ADCY8: variants seen among roughly 807,000 people sequenced by gnomAD.
ADCY8 encodes adenylate cyclase 8, also known as adenylate cyclase type 8.
Under a neutral mutation model 119.7 loss-of-function variants are expected in ADCY8, and 51 were observed. The ratio of observed to expected loss-of-function variants is 0.43; its 90% CI spans 0.34 to 0.54. ADCY8 has a LOEUF of 0.54. ADCY8 is among the 20% of genes least tolerant of loss of function. The pLI is 0.03. For missense variants in ADCY8, 1,383 were observed against 1,598.8 expected, an observed-to-expected ratio of 0.87 and a Z score of 2.30; for synonymous variants, 665 against 651.0, an observed-to-expected ratio of 1.02 and a Z score of -0.33.
intron 1 of ADCY8, among the ~76,000 whole-genome samples, chr8:131,028,845 G>A (rs1823903649): frequency 6.6e-6 from 1 of 152,182 alleles, no homozygotes; most frequent in African/African-American, 2.4e-5. Context: ...TGGAGTACCA[G>A]GAGTCAAGTG....
At chr8:130,861,678 G>T (rs963728484) in intron 9 of ADCY8, among the ~76,000 whole-genome samples, 2 of 151,892 alleles carry the variant, frequency 1.3e-5, no homozygotes, top group African/African-American at 4.8e-5. Flanking sequence ...TCTTTTTGTT[G>T]TTTTGTTTCA....
chr8:131,005,497 A>C (rs1823086355), intron 1 of ADCY8, among the ~76,000 whole-genome samples: 1 of 152,138 alleles, frequency 6.6e-6, no homozygotes, highest in Non-Finnish European at 1.5e-5. Context: ...AGTTAACTGG[A>C]CCAACTTTGC....
chr8:130,928,059 G>C (rs2130601857), intron 5 of ADCY8, among the ~76,000 whole-genome samples: 1 of 152,244 alleles, frequency 6.6e-6, no homozygotes, highest in East Asian at 1.9e-4. Flanking sequence ...GGGATTACCA[G>C]TGCCACTATG....
At chr8:130,868,429 G>A (rs974982555) in intron 8 of ADCY8, among the ~76,000 whole-genome samples, 7 of 152,166 alleles carry the variant, frequency 4.6e-5, no homozygotes, top group African/African-American at 1.4e-4. Flanking sequence ...TCCAGCTAGT[G>A]TAGCCTTTTC....
At chr8:130,969,731 C>A (rs1821867049) in intron 2 of ADCY8, among the ~76,000 whole-genome samples, 1 of 152,116 alleles carries the variant, frequency 6.6e-6, no homozygotes, top group Non-Finnish European at 1.5e-5. Flanking sequence ...AATCTTAACC[C>A]TTCTTATGTA....
At position 131,035,889 on chromosome 8, in the gene ADCY8, T is replaced by C. The variant is rs114156033; in HGVS notation, c.960+3485A>G. ...TGTTTATGGCTTTTAGTTGACAGAT[T>C]TGTATCTAGCTAAGCAGAATGATGA... On this transcript the variant is annotated intron_variant, in intron 1 of 17. Coordinates refer to ENST00000286355, the MANE Select transcript of ADCY8 (RefSeq NM_001115.3). 8.2e-3 allele frequency among the ~76,000 whole-genome samples: 1,256 copies of C among 152,288 alleles called. 16 individuals are homozygous for C. Among genetic ancestry groups the C allele is most frequent in the African/African-American group, 0.029 (1,188 of 41,574 alleles).
intron 2 of ADCY8, among the ~76,000 whole-genome samples, chr8:130,963,801 A>G (rs1228704520): frequency 6.6e-6 from 1 of 152,220 alleles, no homozygotes; most frequent in Non-Finnish European, 1.5e-5. Flanking sequence ...AGCTGAGAAC[A>G]GAAAGGAGGA....
chr8:130,970,531 G>C (rs972574292), intron 2 of ADCY8, among the ~76,000 whole-genome samples: 3 of 152,122 alleles, frequency 2.0e-5, no homozygotes, highest in African/African-American at 7.2e-5. Context: ...ATATTACAAT[G>C]TAATAATAGA....
intron 11 of ADCY8, 48 bp from the exon 12 acceptor site, chr8:130,836,497 C>G: frequency 6.3e-7 from 1 of 1,584,626 alleles, no homozygotes; most frequent in South Asian, 1.2e-5. Flanking sequence ...GGCAGCAGTT[C>G]CCTCTCCTAG....
At chr8:130,958,620 G>A (rs780604244) in intron 2 of ADCY8, among the ~76,000 whole-genome samples, 17 of 152,270 alleles carry the variant, frequency 1.1e-4, no homozygotes, top group Non-Finnish European at 2.2e-4. Context: ...GGCTTGTGCA[G>A]GGGAACTCAT....
At position 130,849,700 on chromosome 8, in the gene ADCY8, G is replaced by A. The variant is rs749479126; in HGVS notation, c.2314C>T (p.Arg772Trp). 8 of 1,613,878 alleles carry A rather than the reference G, an allele frequency of 5.0e-6. No individual in the cohort carries two copies. Among genetic ancestry groups the A allele is most frequent in the African/African-American group, 2.7e-5 (2 of 74,920 alleles). Reference protein sequence around the residue: ...EDYKCLPLILRKTCCWINETY... With the variant: ...EDYKCLPLILWKTCCWINETY... Reference sequence around the variant, plus strand: ...TCATTAATCCAACAGCAAGTTTTCCGGAGGATGAGGGGCAAACATTTATAA... The same window carrying A: ...TCATTAATCCAACAGCAAGTTTTCCAGAGGATGAGGGGCAAACATTTATAA... The change falls in exon 10 of 18, where the codon CGG (arginine) becomes TGG (tryptophan). Residue 772 changes from arginine to tryptophan, a missense_variant. Around this residue, in one of 2 missense-constraint regions of ADCY8, gnomAD observed 928 missense variants for 1,163.5 expected, o/e 0.80. Coordinates refer to ENST00000286355, the MANE Select transcript of ADCY8 (RefSeq NM_001115.3).
chr8:130,987,667 T>A (rs1200537935), intron 2 of ADCY8, among the ~76,000 whole-genome samples: 5 of 152,000 alleles, frequency 3.3e-5, no homozygotes, highest in Admixed American at 1.3e-4. Context: ...TCTTACAGCA[T>A]CTCCTTCACA....
At chr8:130,956,107 G>A (rs148301595) in intron 2 of ADCY8, among the ~76,000 whole-genome samples, 14 of 152,182 alleles carry the variant, frequency 9.2e-5, no homozygotes, top group African/African-American at 2.6e-4. Flanking sequence ...TTTGTGCCAC[G>A]GCACTCCAGC....
chr8:130,950,353 A>T (rs1219406424), intron 3 of ADCY8, among the ~76,000 whole-genome samples: 2 of 152,236 alleles, frequency 1.3e-5, no homozygotes, highest in Admixed American at 6.5e-5. Flanking sequence ...AAGAAGCAGC[A>T]GGAGCAGGAA....
At chr8:130,862,969 G>A (rs908285542) in intron 9 of ADCY8, among the ~76,000 whole-genome samples, 1 of 152,054 alleles carries the variant, frequency 6.6e-6, no homozygotes, top group African/African-American at 2.4e-5. Flanking sequence ...TCTTCCATTG[G>A]GTGGAATAGT....
chr8:130,869,939 CTCT>C lies in ADCY8; in HGVS notation c.2110-1996_2110-1994del, dbSNP rs757467612. On this transcript the variant is annotated intron_variant, in intron 8 of 17. Coordinates refer to ENST00000286355, the MANE Select transcript of ADCY8 (RefSeq NM_001115.3). ...ACTAAAATTCCTCCTCCTCCTCCTC[CTCT>C]TCTTCTTCTTCTTCTTCTTCCTTCT... 5.1e-3 allele frequency among the ~76,000 whole-genome samples: 748 copies of C among 145,352 alleles called. 3 individuals carry two copies. The highest frequency in any genetic ancestry group is 0.015 in the African/African-American group (594 of 38,884).
At position 131,003,206 on chromosome 8, in the gene ADCY8, T is replaced by TCTCA. The variant is rs372048150; in HGVS notation, c.961-12665_961-12664insTGAG. Among the ~76,000 whole-genome samples, 1,251 of 137,562 alleles carry TCTCA rather than the reference T, an allele frequency of 9.1e-3. 15 individuals carry two copies. Among genetic ancestry groups the TCTCA allele is most frequent in the African/African-American group, 0.029 (1,051 of 35,858 alleles). The allele number at this position is 137,562 out of a possible 152,430, so 90.2% of individuals were successfully genotyped here. The stretch of plus-strand genomic sequence containing the variant: ...CCTGGGCAACAAGAGTGAAACACCA[T>TCTCA]CACACACACACACACACACACACAC... On this transcript the variant is annotated intron_variant, in intron 1 of 17. Transcript: ENST00000286355.
At chr8:130,912,494 T>C (rs182910964) in intron 5 of ADCY8, among the ~76,000 whole-genome samples, 2 of 152,288 alleles carry the variant, frequency 1.3e-5, no homozygotes, top group Non-Finnish European at 2.9e-5. Flanking sequence ...CTGCTTTCCA[T>C]ACAGTAGGAC....
intron 3 of ADCY8, 42 bp downstream of exon 3, chr8:130,951,826 T>C: frequency 2.5e-6 from 4 of 1,610,946 alleles, no homozygotes; most frequent in African/African-American, 1.3e-5. Flanking sequence ...CAAACACACA[T>C]GGATCATGCA....
Sources: gnomAD v4.1 joint callset for allele counts (sites outside exome capture counted in the v4.1 genomes callset) on GRCh38, gnomAD v4.1.1 for gene constraint, gnomAD v4.1.1 regional missense constraint, MANE v1.5 for transcripts, NCBI Gene and HGNC (gene_info 2026-07-23, HGNC 2026-07-21) for gene names.